Variants in CDH22 observed in about 807,000 individuals in gnomAD.
CDH22 encodes cadherin 22.
A neutral mutation model predicts 58.4 loss-of-function variants in CDH22; 30 were observed. That is an observed-to-expected ratio of 0.51 (90% CI 0.38 to 0.70). The LOEUF (loss-of-function observed/expected upper bound fraction) is 0.70, where lower values mean the gene tolerates loss of function less well. Ranked by LOEUF, CDH22 falls within the 30% of genes least tolerant of loss-of-function variation. The pLI, the probability that CDH22 is intolerant of heterozygous loss-of-function variation, is 0.00. For synonymous variants in CDH22, 513 were observed against 558.2 expected (o/e 0.92, Z 1.14); for missense variants, 1,014 against 1,233.9 (o/e 0.82, Z 2.67).
intron 1 of CDH22, among the ~76,000 whole-genome samples, chr20:46,259,422 A>T (rs1054643476): frequency 4.6e-5 from 7 of 152,230 alleles, no homozygotes; most frequent in African/African-American, 1.7e-4. Context: ...TTGCTCATTT[A>T]TCAGTGAACC....
chr20:46,249,299 C>T (rs1232146492), intron 2 of CDH22, among the ~76,000 whole-genome samples: 1 of 152,180 alleles, frequency 6.6e-6, no homozygotes, highest in African/African-American at 2.4e-5. Context: ...AGCCCTTGCC[C>T]CATTCTACCA....
chr20:46,297,905 C>A (rs996436169), intron 1 of CDH22, among the ~76,000 whole-genome samples: 2 of 152,100 alleles, frequency 1.3e-5, no homozygotes, highest in Non-Finnish European at 2.9e-5. Context: ...CTTACACAGC[C>A]CTGTGCCCCT....
chr20:46,207,239 C>T (rs2086007825), intron 7 of CDH22, among the ~76,000 whole-genome samples: 2 of 152,200 alleles, frequency 1.3e-5, no homozygotes, highest in Admixed American at 6.5e-5. Context: ...CAAAGTTGGC[C>T]CTTTCAGTGC....
At chr20:46,276,932 C>T (rs2145762997) in intron 1 of CDH22, among the ~76,000 whole-genome samples, 1 of 152,344 alleles carries the variant, frequency 6.6e-6, no homozygotes, top group South Asian at 2.1e-4. Context: ...TGAATCAGGT[C>T]TTATCACCAC....
intron 8 of CDH22, among the ~76,000 whole-genome samples, chr20:46,187,688 C>G (rs1007659951): frequency 6.6e-6 from 1 of 151,916 alleles, no homozygotes; most frequent in East Asian, 1.9e-4. Context: ...ACTATTACCC[C>G]CATCATAATC....
chr20:46,247,835 T>C (rs991494100), intron 2 of CDH22, among the ~76,000 whole-genome samples: 3 of 152,192 alleles, frequency 2.0e-5, no homozygotes, highest in Non-Finnish European at 4.4e-5. Context: ...TCTCCCTCCC[T>C]GGATGGAGTG....
chr20:46,174,306 G>A lies in CDH22; in HGVS notation c.*200C>T, dbSNP rs1344288853. The A allele has an allele frequency of 5.9e-6, 3 of 512,682 alleles. No homozygotes were observed. Among genetic ancestry groups the A allele is most frequent in the Non-Finnish European group, 1.0e-5 (3 of 295,128 alleles). The allele number at this position is 512,682 out of a possible 1,614,324, so 31.8% of individuals were successfully genotyped here. A position where few individuals can be genotyped will look rare whatever the true frequency, so the allele number is the denominator to read the frequency against. ...TTTTAATGCCGTTGGTCAGAATCCCGCACCTCTGGGCTCCAAAGCTGCACC... is the reference window on the plus strand; with the variant it reads ...TTTTAATGCCGTTGGTCAGAATCCCACACCTCTGGGCTCCAAAGCTGCACC... On this transcript the variant is annotated 3_prime_UTR_variant, in exon 12 of 12. Transcript: ENST00000537909. The surrounding 1 kb of genome is among the most constrained non-coding windows in gnomAD (Gnocchi z 4.4).
At chr20:46,263,406 CTGTGTGTGTG>C (rs3081942) in intron 1 of CDH22, among the ~76,000 whole-genome samples, 1 of 150,378 alleles carries the variant, frequency 6.6e-6, no homozygotes, top group African/African-American at 2.5e-5. Context: ...GCCTTCCATT[CTGTGTGTGTG>C]TGTGTGTGTG....
intron 1 of CDH22, among the ~76,000 whole-genome samples, chr20:46,292,916 T>TG (rs2086610864): frequency 7.0e-6 from 1 of 143,816 alleles, no homozygotes; most frequent in Admixed American, 6.9e-5. Context: ...CAGCCACTGG[T>TG]TGTGTGTGTG....
At chr20:46,214,965 AGT>A (rs2086073300) in intron 5 of CDH22, among the ~76,000 whole-genome samples, 2 of 152,364 alleles carry the variant, frequency 1.3e-5, no homozygotes, top group South Asian at 4.1e-4. Flanking sequence ...GGGACTAGTG[AGT>A]GTATGAATGA....
chr20:46,288,100 T>C (rs1478153604), intron 1 of CDH22, among the ~76,000 whole-genome samples: 1 of 152,142 alleles, frequency 6.6e-6, no homozygotes, highest in African/African-American at 2.4e-5. Context: ...AGGAACCATT[T>C]ATGTAGCTTA....
At chr20:46,296,203 C>T (rs963926636) in intron 1 of CDH22, among the ~76,000 whole-genome samples, 10 of 152,160 alleles carry the variant, frequency 6.6e-5, no homozygotes, top group African/African-American at 2.2e-4. Context: ...AATAAGTGGA[C>T]GTCTGTAGAT....
intron 8 of CDH22, among the ~76,000 whole-genome samples, chr20:46,198,801 C>T (rs1186875081): frequency 6.6e-6 from 1 of 152,194 alleles, no homozygotes; most frequent in African/African-American, 2.4e-5. Context: ...GGCTGTTCCC[C>T]CTGCTTGGAA....
At chr20:46,257,283 C>G (rs1339863905) in intron 1 of CDH22, among the ~76,000 whole-genome samples, 1 of 149,856 alleles carries the variant, frequency 6.7e-6, no homozygotes, top group African/African-American at 2.5e-5. Flanking sequence ...GCCTGGGTGA[C>G]AGTGAGGCCT....
chr20:46,256,847 T>C (rs1217133991), intron 1 of CDH22, among the ~76,000 whole-genome samples: 1 of 150,950 alleles, frequency 6.6e-6, no homozygotes, highest in Non-Finnish European at 1.5e-5. Flanking sequence ...CAAAAAACTA[T>C]TTAAAAAAAT....
intron 4 of CDH22, among the ~76,000 whole-genome samples, chr20:46,224,665 T>A (rs1038960667): frequency 4.6e-5 from 7 of 152,208 alleles, no homozygotes; most frequent in African/African-American, 1.7e-4. Context: ...CTGTTTCTGT[T>A]GATGGTACCC....
Position 46,216,917 on chromosome 20 carries a change from G to A in CDH22, c.747C>T (p.Asp249=). 6.2e-7 allele frequency: 1 copy of A among 1,611,230 alleles called. No individual in the cohort carries two copies. The highest frequency in any genetic ancestry group is 8.5e-7 in the Non-Finnish European group (1 of 1,177,642). ...AGAGGCCACCCAGCTGACCCGCCAT[G>A]TCTGTGGCCTGGATCACCACCTCGT... ...ERYEVVIQAT[D]MAGQLGGLSG... is the part of the protein sequence containing the mutation. Residue 249 remains aspartate (D), a synonymous_variant, in exon 5 of 12, where the codon GAC becomes GAT. Transcript: ENST00000537909. The surrounding 1 kb of genome is among the most constrained non-coding windows in gnomAD (Gnocchi z 5.3).
chr20:46,200,353 C>T (rs1164458708), intron 7 of CDH22, among the ~76,000 whole-genome samples: 1 of 151,668 alleles, frequency 6.6e-6, no homozygotes, highest in African/African-American at 2.4e-5. Context: ...CGGCTCACTG[C>T]AGCCTCCATC....
intron 1 of CDH22, among the ~76,000 whole-genome samples, chr20:46,282,325 G>C (rs1369680949): frequency 6.6e-6 from 1 of 152,054 alleles, no homozygotes; most frequent in African/African-American, 2.4e-5. Context: ...GGAGAAAGGG[G>C]TCTCTACACA....
Sources: allele counts gnomAD v4.1 joint callset (sites outside exome capture counted in the v4.1 genomes callset), GRCh38; gene constraint gnomAD v4.1.1; non-coding constraint Gnocchi (gnomAD v3.1); transcripts MANE v1.5; gene names NCBI Gene and HGNC (gene_info 2026-07-23, HGNC 2026-07-21).